KCNIP1: variants seen among roughly 807,000 people sequenced by gnomAD.
The protein encoded by KCNIP1 is A-type potassium channel modulatory protein KCNIP1.
Under a neutral mutation model 33.0 loss-of-function variants are expected in KCNIP1, and 18 were observed. That is an observed-to-expected ratio of 0.55 (90% CI 0.38 to 0.81). KCNIP1 has a LOEUF of 0.81. Ranked by LOEUF, KCNIP1 falls within the 30% of genes least tolerant of loss-of-function variation. KCNIP1 has a pLI of 0.00. For missense variants in KCNIP1, 238 were observed against 271.6 expected (o/e 0.88, Z 0.87); for synonymous variants, 93 against 98.3 (o/e 0.95, Z 0.32).
chr5:170,722,745 A>G lies in KCNIP1; in HGVS notation c.360A>G (p.Arg120=). The stretch of plus-strand genomic sequence containing the variant: ...TAACCGCTCTGTCGATTTTATTGAG[A>G]GGAACTGTCCACGAGAAACTAAGGT... ...DFVTALSILL[R]GTVHEKLRWT... The change falls in exon 5 of 8, where the codon AGA becomes AGG. Residue 120 remains arginine, a synonymous_variant. Transcript: ENST00000328939. 1 of 1,613,936 alleles carries G rather than the reference A, an allele frequency of 6.2e-7. No individual in the cohort carries two copies. The highest frequency in any genetic ancestry group is 8.5e-7 in the Non-Finnish European group (1 of 1,179,810).
At chr5:170,429,178 A>G (rs528530922) in intron 1 of KCNIP1, among the ~76,000 whole-genome samples, 1 of 152,192 alleles carries the variant, frequency 6.6e-6, no homozygotes, top group African/African-American at 2.4e-5. Context: ...TGCCTCCTGC[A>G]TCTTCCTTCA....
intron 1 of KCNIP1, among the ~76,000 whole-genome samples, chr5:170,558,001 T>C (rs1464796194): frequency 1.3e-5 from 2 of 152,200 alleles, no homozygotes; most frequent in Non-Finnish European, 2.9e-5. Context: ...TGAGGCTGGC[T>C]GTGGTCTACT....
chr5:170,677,354 A>G (rs1762181376), intron 1 of KCNIP1, among the ~76,000 whole-genome samples: 1 of 152,082 alleles, frequency 6.6e-6, no homozygotes, highest in African/African-American at 2.4e-5. Context: ...ACTCCCACTT[A>G]CTGGGTATCA....
intron 1 of KCNIP1, among the ~76,000 whole-genome samples, chr5:170,708,327 A>G (rs1763327848): frequency 6.6e-6 from 1 of 152,232 alleles, no homozygotes; most frequent in Non-Finnish European, 1.5e-5. Flanking sequence ...TCATTAATAC[A>G]ATGTCTAATG....
chr5:170,723,007 C>T (rs113292280), intron 5 of KCNIP1, among the ~76,000 whole-genome samples, 187 bp downstream of exon 5: 93 of 152,244 alleles, frequency 6.1e-4, no homozygotes, highest in Non-Finnish European at 1.0e-3. Flanking sequence ...TGTTCCCAAG[C>T]GCCCAGAAAG....
intron 1 of KCNIP1, among the ~76,000 whole-genome samples, chr5:170,484,444 C>A (rs1244677427): frequency 1.3e-5 from 2 of 152,276 alleles, no homozygotes; most frequent in East Asian, 3.9e-4. Flanking sequence ...GCCAGCACGC[C>A]CTCCATCGCA....
At chr5:170,733,342 G>C (rs1247729908) in intron 6 of KCNIP1, among the ~76,000 whole-genome samples, 1 of 152,216 alleles carries the variant, frequency 6.6e-6, no homozygotes, top group East Asian at 1.9e-4. Flanking sequence ...TTGACTAAGG[G>C]AGTGGTATAA....
intron 1 of KCNIP1, chr5:170,681,005 A>C: frequency 2.5e-6 from 1 of 399,282 alleles, no homozygotes; most frequent in South Asian, 1.3e-4. Context: ...GGAGGCTTGG[A>C]AGCCTGGTTT....
chr5:170,616,604 A>G (rs952831570), intron 1 of KCNIP1, among the ~76,000 whole-genome samples: 3 of 152,022 alleles, frequency 2.0e-5, no homozygotes, highest in Admixed American at 6.5e-5. Context: ...CTCTGGCCCA[A>G]GTTTCCTTCT....
chr5:170,601,033 T>A (rs1355342870), intron 1 of KCNIP1, among the ~76,000 whole-genome samples: 2 of 152,216 alleles, frequency 1.3e-5, no homozygotes, highest in Admixed American at 1.3e-4. Context: ...TTAGCCTCTC[T>A]GAGTTTAATT....
chr5:170,599,766 C>T (rs541291489), intron 1 of KCNIP1, among the ~76,000 whole-genome samples: 1 of 152,352 alleles, frequency 6.6e-6, no homozygotes, highest in South Asian at 2.1e-4. Context: ...CCTGCATATC[C>T]TCTCCTCTTC....
At chr5:170,383,944 G>A (rs1764362483) in intron 1 of KCNIP1, 2 of 1,349,124 alleles carry the variant, frequency 1.5e-6, no homozygotes, top group South Asian at 2.8e-5. Flanking sequence ...GGAGCCTCTA[G>A]AGGGATCCAG....
intron 1 of KCNIP1, among the ~76,000 whole-genome samples, chr5:170,428,384 C>T (rs1755659772): frequency 6.6e-6 from 1 of 151,822 alleles, no homozygotes; most frequent in Admixed American, 6.6e-5. Flanking sequence ...GTACACATTA[C>T]TCACCCATGC....
intron 1 of KCNIP1, among the ~76,000 whole-genome samples, chr5:170,541,425 A>C (rs1435412684): frequency 6.6e-6 from 1 of 152,210 alleles, no homozygotes; most frequent in Non-Finnish European, 1.5e-5. Flanking sequence ...CCAAACAGTG[A>C]GTGCTACCAG....
intron 1 of KCNIP1, among the ~76,000 whole-genome samples, chr5:170,371,635 A>T (rs554005704): frequency 6.2e-4 from 94 of 152,272 alleles, no homozygotes; most frequent in Non-Finnish European, 8.2e-4. Context: ...TAATAACCTC[A>T]AAGGATGTTG....
chr5:170,525,323 T>C (rs1324047785), intron 1 of KCNIP1, among the ~76,000 whole-genome samples: 1 of 152,244 alleles, frequency 6.6e-6, no homozygotes, highest in African/African-American at 2.4e-5. Context: ...CTCAGTTTTC[T>C]CTTCTGTAAA....
chr5:170,414,892 T>C (rs986987364), intron 1 of KCNIP1, among the ~76,000 whole-genome samples: 2 of 152,220 alleles, frequency 1.3e-5, no homozygotes, highest in African/African-American at 4.8e-5. Flanking sequence ...TTTCTATGTG[T>C]GATGCGAAAA....
chr5:170,483,265 G>A, intron 1 of KCNIP1: 1 of 273,270 alleles, frequency 3.7e-6, no homozygotes, highest in Non-Finnish European at 7.2e-6. Context: ...GGGGACCTTT[G>A]GACTAAAAAG....
At chr5:170,714,452 T>G (rs923656820) in intron 1 of KCNIP1, among the ~76,000 whole-genome samples, 1 of 152,342 alleles carries the variant, frequency 6.6e-6, no homozygotes, top group Admixed American at 6.5e-5. Flanking sequence ...TATGCTAGAA[T>G]AGCTTAGCAT....
Sources: allele counts gnomAD v4.1 joint callset (sites outside exome capture counted in the v4.1 genomes callset), GRCh38; gene constraint gnomAD v4.1.1; transcripts MANE v1.5; gene names NCBI Gene and HGNC (gene_info 2026-07-23, HGNC 2026-07-21).